RXFP2: variants seen among roughly 807,000 people sequenced by gnomAD.
The protein encoded by RXFP2 is relaxin family peptide receptor 2.
RXFP2 carries 68 observed loss-of-function variants against 88.6 expected under a neutral mutation model. That is an observed-to-expected ratio of 0.77 (90% CI 0.63 to 0.94). The LOEUF (loss-of-function observed/expected upper bound fraction) is 0.94. RXFP2 is among the 40% of genes least tolerant of loss of function. The pLI, the probability that RXFP2 is intolerant of heterozygous loss-of-function variation, is 0.00. For synonymous variants in RXFP2, 329 were observed against 306.8 expected (o/e 1.07, Z -0.76); for missense variants, 791 against 893.9 (o/e 0.88, Z 1.47).
At chr13:31,775,532 C>T in intron 7 of RXFP2, 143 bp downstream of exon 7, 4 of 727,652 alleles carry the variant, frequency 5.5e-6, no homozygotes, top group Non-Finnish European at 9.7e-6. Flanking sequence ...GAACTTTATC[C>T]AGGCAATTCA....
At chr13:31,776,419 C>T (rs949651480) in intron 7 of RXFP2, among the ~76,000 whole-genome samples, 3 of 151,490 alleles carry the variant, frequency 2.0e-5, no homozygotes, top group Non-Finnish European at 2.9e-5. Flanking sequence ...CTACACCCAG[C>T]GAATTTTTTG....
chr13:31,789,225 A>T (rs189794535), intron 14 of RXFP2, 32 bp downstream of exon 14: 1 of 1,343,670 alleles, frequency 7.4e-7, no homozygotes, highest in East Asian at 2.3e-5. Context: ...AGGAGGAAGC[A>T]TGGTAAAATG....
At chr13:31,757,191 A>C (rs1473449269) in intron 1 of RXFP2, among the ~76,000 whole-genome samples, 1 of 152,174 alleles carries the variant, frequency 6.6e-6, no homozygotes, top group Non-Finnish European at 1.5e-5. Context: ...GTTTCTAACT[A>C]GTCCTGATTT....
At position 31,758,391 on chromosome 13, in the gene RXFP2, C is replaced by T. The variant is rs200886671; in HGVS notation, c.228C>T (p.Asp76=). The stretch of plus-strand genomic sequence containing the variant: ...AGGATGACTGTGGGAACGGGGCGGA[C>T]GAAGAGAACTGTGGTGAGTGCTCCC... ...DGKDDCGNGA[D]EENCGDTSGW... The change falls in exon 2 of 18, where the codon GAC becomes GAT. Residue 76 remains aspartate (D), a synonymous_variant. Transcript: ENST00000298386. 200 of 1,613,928 alleles carry T rather than the reference C, an allele frequency of 1.2e-4. 1 individual carries two copies. Among genetic ancestry groups the T allele is most frequent in the Admixed American group, 4.2e-4 (25 of 60,002 alleles).
Position 31,761,731 on chromosome 13 carries a change from T to C in RXFP2, c.249T>C (p.Thr83=), listed in dbSNP as rs752664547. ...NGADEENCGD[T]SGWATIFGTV... ...TCAATCACTATTTCACAGGTGACAC[T>C]AGTGGATGGGCGACCATATTTGGCA... Residue 83 remains threonine, a synonymous_variant, in exon 3 of 18, where the codon ACT becomes ACC. Transcript: ENST00000298386. 13 of 1,609,614 alleles carry C rather than the reference T, an allele frequency of 8.1e-6. No individual in the cohort carries two copies. The highest frequency in any genetic ancestry group is 2.2e-5 in the East Asian group (1 of 44,830).
chr13:31,774,234 G>T (rs1254160930), intron 5 of RXFP2, among the ~76,000 whole-genome samples: 1 of 152,212 alleles, frequency 6.6e-6, no homozygotes, highest in Non-Finnish European at 1.5e-5. Flanking sequence ...AGGAGTTAAA[G>T]GTGCATCTCT....
intron 17 of RXFP2, 98 bp downstream of exon 17, chr13:31,797,517 T>C (rs935157869): frequency 5.8e-6 from 5 of 858,324 alleles, no homozygotes; most frequent in Admixed American, 5.7e-5. Context: ...AAATTATTCA[T>C]AAAAACCAAT....
chr13:31,764,073 T>C (rs1463188608), intron 3 of RXFP2, among the ~76,000 whole-genome samples: 2 of 152,154 alleles, frequency 1.3e-5, no homozygotes, highest in Non-Finnish European at 2.9e-5. Context: ...AAAGAACTTA[T>C]AATTACATTA....
intron 1 of RXFP2, among the ~76,000 whole-genome samples, chr13:31,755,422 A>T (rs1392209346): frequency 2.0e-5 from 3 of 151,716 alleles, no homozygotes; most frequent in Non-Finnish European, 4.4e-5. Flanking sequence ...GGTGTGTGCT[A>T]GTGTGTGTGG....
At position 31,791,986 on chromosome 13, in the gene RXFP2, C is replaced by T. The variant is rs1433158325; in HGVS notation, c.1326C>T (p.Phe442=). Residue 442 remains phenylalanine (F), a synonymous_variant, in exon 15 of 18, where the codon TTC becomes TTT. Coordinates refer to ENST00000298386, the MANE Select transcript of RXFP2 (RefSeq NM_130806.5). The part of the protein sequence containing the change: ...GNLFVIGMRS[F]IKAENTTHAM... The stretch of plus-strand genomic sequence containing the variant: ...TTTTTGTCATTGGCATGAGATCTTT[C>T]ATTAAAGCTGAAAATACAACTCACG... 1 of 1,614,094 alleles carries T rather than the reference C, an allele frequency of 6.2e-7. No individual in the cohort carries two copies. Among genetic ancestry groups the T allele is most frequent in the Non-Finnish European group, 8.5e-7 (1 of 1,179,968 alleles).
intron 11 of RXFP2, among the ~76,000 whole-genome samples, chr13:31,784,346 C>CTAGA (rs1242371927): frequency 6.6e-6 from 1 of 152,146 alleles, no homozygotes; most frequent in Admixed American, 6.5e-5. Flanking sequence ...GTAGGCTTAA[C>CTAGA]TAGAACAAGG....
intron 5 of RXFP2, among the ~76,000 whole-genome samples, chr13:31,770,285 C>A (rs901254063): frequency 6.6e-6 from 1 of 152,188 alleles, no homozygotes; most frequent in Admixed American, 6.5e-5. Flanking sequence ...CAACTTCTTC[C>A]CTTTTTGAGA....
intron 1 of RXFP2, among the ~76,000 whole-genome samples, chr13:31,748,675 T>C (rs1871527507): frequency 6.6e-6 from 1 of 152,158 alleles, no homozygotes; most frequent in Non-Finnish European, 1.5e-5. Flanking sequence ...TTGCACTCTC[T>C]TAATGATGAC....
Position 31,774,629 on chromosome 13 carries a change from G to A in RXFP2, c.507G>A (p.Gln169=), listed in dbSNP as rs1279251095. The A allele has an allele frequency of 1.3e-6, 2 of 1,535,796 alleles. No homozygotes were observed. The highest frequency in any genetic ancestry group is 1.4e-5 in the African/African-American group (1 of 73,442). The change falls in exon 6 of 18, where the codon CAG becomes CAA. Residue 169 remains glutamine (Q), a synonymous_variant. Transcript: ENST00000298386. ...KYTKLKKIFL[Q]HNCIRHISRK... is the part of the protein sequence containing the mutation. ...ATCTTATTCCTACCAGATTTCTTCA[G>A]CATAATTGCATTAGACACATATCCA...
intron 5 of RXFP2, among the ~76,000 whole-genome samples, chr13:31,768,748 C>T (rs906836184): frequency 1.3e-5 from 2 of 152,174 alleles, no homozygotes; most frequent in African/African-American, 2.4e-5. Flanking sequence ...AATCTCCTTT[C>T]CTCACCATCC....
chr13:31,796,038 CTTTTTTTTTTTTT>C (rs776535132), intron 16 of RXFP2, among the ~76,000 whole-genome samples: 2 of 36,978 alleles, frequency 5.4e-5, no homozygotes, highest in African/African-American at 2.4e-4. Context: ...ATGTGTTATT[CTTTTTTTTTTTTT>C]TTTTTTTTTT....
At chr13:31,747,855 A>G (rs955080272) in intron 1 of RXFP2, among the ~76,000 whole-genome samples, 4 of 152,230 alleles carry the variant, frequency 2.6e-5, no homozygotes. Context: ...AAGTCTCAGT[A>G]AAGTTTTTGC....
intron 9 of RXFP2, among the ~76,000 whole-genome samples, 159 bp from the exon 10 acceptor site, chr13:31,781,512 A>G (rs1873270939): frequency 6.6e-6 from 1 of 152,030 alleles, no homozygotes; most frequent in East Asian, 1.9e-4. Flanking sequence ...GGGGGAAAGA[A>G]GCATAATATT....
intron 1 of RXFP2, among the ~76,000 whole-genome samples, chr13:31,742,499 C>T (rs1871258613): frequency 6.6e-6 from 1 of 152,070 alleles, no homozygotes; most frequent in Non-Finnish European, 1.5e-5. Context: ...TGAATGAAGC[C>T]CACTGTGAGG....
Sources: gnomAD v4.1 joint callset for allele counts (sites outside exome capture counted in the v4.1 genomes callset) on GRCh38, gnomAD v4.1.1 for gene constraint, MANE v1.5 for transcripts, NCBI Gene and HGNC (gene_info 2026-07-23, HGNC 2026-07-21) for gene names.